Variants in RANGAP1 observed in about 807,000 individuals in gnomAD.
RANGAP1 encodes Ran GTPase activating protein 1.
RANGAP1 carries 38 observed loss-of-function variants against 63.5 expected under a neutral mutation model. The observed-to-expected ratio is 0.60, with a 90% CI of 0.46 to 0.78. The LOEUF is 0.78. RANGAP1 is among the 30% of genes least tolerant of loss of function. RANGAP1 has a pLI of 0.00. For synonymous variants in RANGAP1, 329 were observed against 310.5 expected, an observed-to-expected ratio of 1.06 and a Z score of -0.63; for missense variants, 630 against 740.3, an observed-to-expected ratio of 0.85 and a Z score of 1.73.
At chr22:41,296,431 G>A in the RANGAP1 span, among the ~76,000 whole-genome samples, 2 of 152,144 alleles carry the variant, frequency 1.3e-5, no homozygotes, top group African/African-American at 4.8e-5. Flanking sequence ...TGGATCACCT[G>A]AGGTCAGGAG....
At position 41,246,566 on chromosome 22, in the gene RANGAP1, C is replaced by A. The variant is rs1220937495; in HGVS notation, c.*37G>T. ...AGTTCATCCGAGTCCCTCCCCAGCT[C>A]ACTGGTCCAGGCCAAGGGATGGGAG... On this transcript the variant is annotated 3_prime_UTR_variant, in exon 16 of 16. Transcript: ENST00000356244. The A allele has an allele frequency of 1.3e-6, 2 of 1,501,602 alleles. No individual in the cohort carries two copies. Among genetic ancestry groups the A allele is most frequent in the South Asian group, 1.2e-5 (1 of 83,150 alleles). 93.0% of individuals were successfully genotyped at this position (1,501,602 alleles called of 1,614,324 possible).
chr22:41,270,807 C>G (rs1255338006), intron 3 of RANGAP1, among the ~76,000 whole-genome samples: 1 of 152,220 alleles, frequency 6.6e-6, no homozygotes, highest in Non-Finnish European at 1.5e-5. Flanking sequence ...ACCAGATCTG[C>G]TTAGTAGTTC....
In RANGAP1 at chr22:41,254,383, TTCCTCCTCC is replaced by T. The variant is rs754504580; in HGVS notation, c.1176_1184del (p.Glu395_Glu397del). 2.5e-6 allele frequency: 4 copies of T among 1,613,614 alleles called. No individual in the cohort carries two copies. The highest frequency in any genetic ancestry group is 3.3e-5 in the Admixed American group (2 of 59,966). On this transcript the variant is annotated inframe_deletion, in exon 11 of 16. Coordinates refer to ENST00000356244, the MANE Select transcript of RANGAP1 (RefSeq NM_002883.4). ...CCTGCCCTCGCTGCTGAGGCTCTTCTTCCTCCTCCTCCTCCTCTTCTTCCTCCTCTTCCT... is the reference window on the plus strand; with the variant it reads ...CCTGCCCTCGCTGCTGAGGCTCTTCTTCCTCCTCTTCTTCCTCCTCTTCCT...
At chr22:41,271,224 T>TAA (rs746864052) in intron 3 of RANGAP1, among the ~76,000 whole-genome samples, 3 of 133,582 alleles carry the variant, frequency 2.2e-5, no homozygotes, top group Non-Finnish European at 3.2e-5. Context: ...ACCCCATCAT[T>TAA]AAAAAAAAAA....
At chr22:41,271,955 C>A (rs566855359) in intron 3 of RANGAP1, among the ~76,000 whole-genome samples, 31 of 152,298 alleles carry the variant, frequency 2.0e-4, no homozygotes, top group African/African-American at 6.5e-4. Context: ...GTGATTCACT[C>A]GAGCCACTGC....
Position 41,254,484 on chromosome 22 carries a change from C to A in RANGAP1, c.1084G>T (p.Asp362Tyr). Residue 362 changes from aspartate to tyrosine, a missense_variant, in exon 11 of 16, where the codon GAC becomes TAC. Physicochemically the swap from Asp to Tyr is radical, Grantham distance 160. Transcript: ENST00000356244. ...KVLASLSDDE[D>Y]EEEEEEGEEE... is the part of the protein sequence containing the mutation. The stretch of plus-strand genomic sequence containing the variant: ...TCTCCTTCCTCCTCCTCCTCCTCGT[C>A]CTCGTCATCACTGCAGAAAGAGCTG... The A allele has an allele frequency of 6.3e-7, 1 of 1,593,430 alleles. No individual in the cohort carries two copies. Among genetic ancestry groups the A allele is most frequent in the Non-Finnish European group, 8.5e-7 (1 of 1,173,620 alleles).
intron 4 of RANGAP1, 40 bp from the exon 5 acceptor site, chr22:41,264,883 C>A: frequency 6.4e-7 from 1 of 1,569,362 alleles, no homozygotes; most frequent in Non-Finnish European, 8.7e-7. Context: ...CATAGACACC[C>A]AGCTTCTGTG....
At position 41,256,734 on chromosome 22, in the gene RANGAP1, G is replaced by A. The variant is rs771897708; in HGVS notation, c.865C>T (p.Arg289Cys). The change falls in exon 8 of 16, where the codon CGC becomes TGC. Residue 289 changes from arginine (R) to cysteine (C), a missense_variant. By Grantham distance (180) the Arg-to-Cys change is radical. Transcript: ENST00000356244. ...KGAVAIADAI[R>C]GGLPKLKELN... ...ACCTTTAGCTTGGGCAGGCCGCCGC[G>A]GATGGCATCTGCAATGGCAACTGCA... 35 of 1,613,856 alleles carry A rather than the reference G, an allele frequency of 2.2e-5. No individual in the cohort carries two copies. Among genetic ancestry groups the A allele is most frequent in the Middle Eastern group, 1.6e-4 (1 of 6,084 alleles).
intron 1 of RANGAP1, among the ~76,000 whole-genome samples, chr22:41,283,505 C>T (rs1010390784): frequency 1.3e-5 from 2 of 151,978 alleles, no homozygotes; most frequent in African/African-American, 2.4e-5. Flanking sequence ...AAGACTCCAA[C>T]TCAAAACAAA....
intron 11 of RANGAP1, 21 bp downstream of exon 11, chr22:41,254,287 T>G: frequency 6.2e-7 from 1 of 1,614,010 alleles, no homozygotes; most frequent in Non-Finnish European, 8.5e-7. Context: ...GCTCTGATTG[T>G]GGCAGATGAT....
rs764016672 is a variant in RANGAP1 at position 41,258,048 on chromosome 22, A to G, written c.674T>C (p.Ile225Thr). The change falls in exon 7 of 16, where the codon ATC (isoleucine) becomes ACC (threonine). Residue 225 changes from isoleucine (I) to threonine (T), a missense_variant. Physicochemically the swap from Ile to Thr is moderately conservative, Grantham distance 89. Transcript: ENST00000356244. ...AGCGAAAGCCTGGGCCAGGGCAGTG[A>G]TGCCAGGGTGGTTGATCCCATTCTG... is the stretch of plus-strand genomic sequence containing the variant. ...MPQNGINHPG[I>T]TALAQAFAVN... 1.2e-6 allele frequency: 2 copies of G among 1,613,640 alleles called. No homozygotes were observed. Among genetic ancestry groups the G allele is most frequent in the Admixed American group, 1.7e-5 (1 of 59,986 alleles).
chr22:41,299,224 C>G, the RANGAP1 span, among the ~76,000 whole-genome samples: 1 of 152,028 alleles, frequency 6.6e-6, no homozygotes, highest in African/African-American at 2.4e-5. Flanking sequence ...CCTCTACTTC[C>G]CAGGTTCAAG....
intron 12 of RANGAP1, among the ~76,000 whole-genome samples, chr22:41,252,305 A>AAAAT (rs971950369): frequency 6.6e-5 from 10 of 152,052 alleles, no homozygotes; most frequent in African/African-American, 1.4e-4. Flanking sequence ...CCATCTCAAA[A>AAAAT]AAATAAATAA....
chr22:41,256,090 T>C lies in RANGAP1; in HGVS notation c.1004A>G (p.Glu335Gly). 1.2e-6 allele frequency: 2 copies of C among 1,614,092 alleles called. No homozygotes were observed. Among genetic ancestry groups the C allele is most frequent in the Non-Finnish European group, 1.7e-6 (2 of 1,180,018 alleles). ...KLDLNGNTLG[E>G]EGCEQLQEVL... is the part of the protein sequence containing the mutation. Reference sequence around the variant, plus strand: ...CTCCTGAAGCTGTTCACAGCCTTCTTCTCCCAGGGTGTTGCCTGCTCAAGG... The same window carrying C: ...CTCCTGAAGCTGTTCACAGCCTTCTCCTCCCAGGGTGTTGCCTGCTCAAGG... The change falls in exon 10 of 16, where the codon GAA becomes GGA. Residue 335 changes from glutamate (E) to glycine (G), a missense_variant. By Grantham distance (98) the Glu-to-Gly change is moderately conservative (BLOSUM62 -2). This residue lies in a region of RANGAP1 where 428 missense variants were observed against 465.5 expected (regional missense o/e 0.92). Transcript: ENST00000356244.
chr22:41,256,065 C>G lies in RANGAP1; in HGVS notation c.1029G>C (p.Glu343Asp). ...LGEEGCEQLQ[E>D]VLEGFNMAKV... ...TGGCCATGTTGAAGCCCTCCAGCAC[C>G]TCCTGAAGCTGTTCACAGCCTTCTT... is the stretch of plus-strand genomic sequence containing the variant. The change falls in exon 10 of 16, where the codon GAG becomes GAC. Residue 343 changes from glutamate (E) to aspartate (D), a missense_variant. Glu to Asp is a conservative substitution (Grantham distance 45). Transcript: ENST00000356244. The G allele has an allele frequency of 6.2e-7, 1 of 1,614,092 alleles. No individual in the cohort carries two copies. The highest frequency in any genetic ancestry group is 8.5e-7 in the Non-Finnish European group (1 of 1,180,040).
the RANGAP1 span, among the ~76,000 whole-genome samples, chr22:41,296,472 C>A: frequency 1.3e-5 from 2 of 151,816 alleles, no homozygotes; most frequent in Non-Finnish European, 2.9e-5. Flanking sequence ...CATGGTGAAA[C>A]CCCATCTCTA....
chr22:41,251,902 A>G (rs2033480710), intron 12 of RANGAP1, among the ~76,000 whole-genome samples: 1 of 152,246 alleles, frequency 6.6e-6, no homozygotes, highest in Non-Finnish European at 1.5e-5. Flanking sequence ...GGCTTACAAC[A>G]TCTGATTTAT....
chr22:41,256,480 T>C (rs1395031784), intron 8 of RANGAP1, among the ~76,000 whole-genome samples, 190 bp from the exon 9 acceptor site: 1 of 152,130 alleles, frequency 6.6e-6, no homozygotes, highest in Non-Finnish European at 1.5e-5. Context: ...ACGTACTGTG[T>C]TTACTTAAAT....
Position 41,252,967 on chromosome 22 carries a change from G to T in RANGAP1, c.1285C>A (p.Pro429Thr). 1 of 1,533,768 alleles carries T rather than the reference G, an allele frequency of 6.5e-7. No individual in the cohort carries two copies. Reference protein sequence around the residue: ...TGEPAPVLSSPPPADVSTFLA... With the variant: ...TGEPAPVLSSTPPADVSTFLA... ...AAGGTGGAGACGTCTGCAGGAGGTG[G>T]GGAGGACAGCACGGGAGCTGGCTCC... The change falls in exon 12 of 16, where the codon CCA becomes ACA. Residue 429 changes from proline (P) to threonine (T), a missense_variant. This residue lies in a region of RANGAP1 where 428 missense variants were observed against 465.5 expected (regional missense o/e 0.92). Transcript: ENST00000356244.
Sources: allele counts gnomAD v4.1 joint callset (sites outside exome capture counted in the v4.1 genomes callset), GRCh38; gene constraint gnomAD v4.1.1; regional missense constraint gnomAD v4.1.1; transcripts MANE v1.5; gene names NCBI Gene and HGNC (gene_info 2026-07-23, HGNC 2026-07-21).